BABAM2: variants seen among roughly 807,000 people sequenced by gnomAD.
The protein encoded by BABAM2 is BRISC and BRCA1 A complex member 2.
A neutral mutation model predicts 54.7 loss-of-function variants in BABAM2; 31 were observed. The observed-to-expected ratio is 0.57, with a 90% confidence interval of 0.43 to 0.77. The LOEUF (loss-of-function observed/expected upper bound fraction) is 0.77. Ranked by LOEUF, BABAM2 falls within the 30% of genes least tolerant of loss-of-function variation. The probability of loss-of-function intolerance (pLI) is 0.00; values close to 1 mark genes in which losing one functional copy is unlikely to be tolerated. For synonymous variants in BABAM2, 167 were observed against 162.9 expected, an observed-to-expected ratio of 1.03 and a Z score of -0.19; for missense variants, 364 against 455.8, an observed-to-expected ratio of 0.80 and a Z score of 1.83.
intron 10 of BABAM2, among the ~76,000 whole-genome samples, chr2:28,269,328 C>T (rs776373870): frequency 2.4e-4 from 37 of 152,298 alleles, no homozygotes; most frequent in South Asian, 1.0e-3. Context: ...AGTCTCCACC[C>T]TCTGTAGAGA....
intron 6 of BABAM2, among the ~76,000 whole-genome samples, chr2:28,107,302 T>A (rs1667611219): frequency 6.6e-6 from 1 of 152,218 alleles, no homozygotes; most frequent in Non-Finnish European, 1.5e-5. Flanking sequence ...CTTCCAAAGC[T>A]CGTAGAATAC....
chr2:28,184,508 GT>G (rs2147895742), intron 7 of BABAM2, among the ~76,000 whole-genome samples: 1 of 132,900 alleles, frequency 7.5e-6, no homozygotes, highest in South Asian at 2.4e-4. Flanking sequence ...GCCCCGGTAT[GT>G]GATGTTCCCC....
chr2:28,009,271 A>G (rs1674215321), intron 4 of BABAM2, among the ~76,000 whole-genome samples: 1 of 152,092 alleles, frequency 6.6e-6, no homozygotes, highest in Non-Finnish European at 1.5e-5. Flanking sequence ...TCTTTTTAAG[A>G]TGCTTCCACA....
intron 4 of BABAM2, among the ~76,000 whole-genome samples, chr2:28,007,599 G>A (rs1465280621): frequency 6.6e-6 from 1 of 152,058 alleles, no homozygotes; most frequent in African/African-American, 2.4e-5. Context: ...ATGAAAAACA[G>A]GAAGATCAAC....
chr2:28,335,400 C>T (rs563509301), intron 11 of BABAM2, among the ~76,000 whole-genome samples: 1 of 152,270 alleles, frequency 6.6e-6, no homozygotes, highest in African/African-American at 2.4e-5. Context: ...GAACTCCTGA[C>T]CTTGGGTGAT....
At chr2:28,166,187 C>G (rs1673654749) in intron 7 of BABAM2, among the ~76,000 whole-genome samples, 1 of 152,144 alleles carries the variant, frequency 6.6e-6, no homozygotes, top group Non-Finnish European at 1.5e-5. Flanking sequence ...GTTGAGGCCA[C>G]CCAGTCTGTA....
intron 11 of BABAM2, among the ~76,000 whole-genome samples, chr2:28,315,042 A>G (rs1438322617): frequency 7.6e-6 from 1 of 131,310 alleles, no homozygotes; most frequent in African/African-American, 2.8e-5. Flanking sequence ...GAGAAGAAAG[A>G]AAGGGAAGGG....
chr2:28,231,275 C>T (rs1339608925), intron 7 of BABAM2, among the ~76,000 whole-genome samples: 7 of 152,058 alleles, frequency 4.6e-5, no homozygotes, highest in Non-Finnish European at 8.8e-5. Context: ...GCTGGCAGGC[C>T]ACCAGGAAAC....
At position 27,929,950 on chromosome 2, in the gene BABAM2, G is replaced by A. The variant is rs778406959; in HGVS notation, c.205+42G>A. 5.2e-6 allele frequency: 8 copies of A among 1,551,948 alleles called. No individual in the cohort carries two copies. The South Asian group carries it at 5.6e-5, about 11-fold the overall frequency. On this transcript the variant is annotated intron_variant, in intron 3 of 11. Transcript: ENST00000379624. ...TATTTTACTCAAAATGTAGGTTACA[G>A]TGTCAGCTATTGGACTTTGTGCTTT...
At chr2:28,298,524 A>T in intron 11 of BABAM2, 33 bp downstream of exon 11, 1 of 1,613,526 alleles carries the variant, frequency 6.2e-7, no homozygotes, top group Non-Finnish European at 8.5e-7. Context: ...CCAACAGGTA[A>T]GAGCATTTTG....
At chr2:28,191,437 G>A (rs1161831964) in intron 7 of BABAM2, among the ~76,000 whole-genome samples, 1 of 152,206 alleles carries the variant, frequency 6.6e-6, no homozygotes, top group African/African-American at 2.4e-5. Context: ...AAGACTTGCA[G>A]ATGAGTGTTC....
intron 7 of BABAM2, among the ~76,000 whole-genome samples, chr2:28,156,037 TG>T (rs1351269446): frequency 6.6e-6 from 1 of 152,264 alleles, no homozygotes; most frequent in Admixed American, 6.5e-5. Flanking sequence ...AATAAAATTA[TG>T]GTAGTTATTA....
chr2:28,208,677 A>C (rs1679140091), intron 7 of BABAM2, among the ~76,000 whole-genome samples: 1 of 136,718 alleles, frequency 7.3e-6, no homozygotes, highest in Admixed American at 8.3e-5. Flanking sequence ...GCACATCTGC[A>C]TGAGTGCTCG....
rs1217842141 is a variant in BABAM2, at chr2:28,330,041, T to C, written c.1089-8409T>C. Among the ~76,000 whole-genome samples, 4 of 152,220 alleles carry C rather than the reference T, an allele frequency of 2.6e-5. No individual in the cohort carries two copies. The South Asian group carries it at 8.3e-4, about 31-fold the overall frequency. The stretch of plus-strand genomic sequence containing the variant: ...GGCTGGTTCAACATATGCAAATCAG[T>C]AAATGTAATTCATCACATAAACAGA... On this transcript the variant is annotated intron_variant, in intron 11 of 11. Transcript: ENST00000379624.
At position 27,978,137 on chromosome 2, in the gene BABAM2, G is replaced by A. The variant is rs184085834; in HGVS notation, c.206-9856G>A. Among the ~76,000 whole-genome samples, 176 of 152,252 alleles carry A rather than the reference G, an allele frequency of 1.2e-3. 2 individuals carry two copies. Among genetic ancestry groups the A allele is most frequent in the Non-Finnish European group, 6.2e-4 (42 of 68,002 alleles). ...CTAGTGGGAAGTGTTTGGGTCATGGGGGTGGATCCCTCATGAATGGTGTGG... is the reference window on the plus strand; with the variant it reads ...CTAGTGGGAAGTGTTTGGGTCATGGAGGTGGATCCCTCATGAATGGTGTGG... On this transcript the variant is annotated intron_variant, in intron 3 of 11. Coordinates refer to ENST00000379624, the MANE Select transcript of BABAM2 (RefSeq NM_199191.3).
intron 7 of BABAM2, among the ~76,000 whole-genome samples, chr2:28,180,704 G>A (rs1298444385): frequency 6.6e-6 from 1 of 152,016 alleles, no homozygotes; most frequent in Non-Finnish European, 1.5e-5. Context: ...AGAAAACATT[G>A]ACAAACTATT....
chr2:28,237,366 A>G, intron 8 of BABAM2, 65 bp downstream of exon 8: 1 of 1,415,746 alleles, frequency 7.1e-7, no homozygotes, highest in East Asian at 2.3e-5. Flanking sequence ...CACGTACCCA[A>G]AATCATCGTG....
chr2:27,949,121 C>A (rs1431906844), intron 3 of BABAM2, among the ~76,000 whole-genome samples: 1 of 152,166 alleles, frequency 6.6e-6, no homozygotes, highest in Non-Finnish European at 1.5e-5. Context: ...CCAAAACCTT[C>A]AACTTAGGAC....
chr2:28,221,065 G>T (rs1047957285), intron 7 of BABAM2, among the ~76,000 whole-genome samples: 4 of 151,986 alleles, frequency 2.6e-5, no homozygotes, highest in Non-Finnish European at 5.9e-5. Context: ...TAACCTAGGT[G>T]TCTCTCCTTT....
Sources: allele counts gnomAD v4.1 joint callset (sites outside exome capture counted in the v4.1 genomes callset), GRCh38; gene constraint gnomAD v4.1.1; transcripts MANE v1.5; gene names NCBI Gene and HGNC (gene_info 2026-07-23, HGNC 2026-07-21).